Variants in MORC1 observed in about 807,000 individuals in gnomAD.
MORC1 encodes the protein MORC family CW-type zinc finger 1.
A neutral mutation model predicts 134.9 loss-of-function variants in MORC1; 59 were observed. The observed-to-expected ratio is 0.44, with a 90% confidence interval of 0.35 to 0.54. The LOEUF is 0.54. MORC1 is among the 20% of genes least tolerant of loss of function. The pLI is 0.00. For missense variants in MORC1, 947 were observed against 1,134.5 expected (o/e 0.83, Z 2.37); for synonymous variants, 395 against 391.7 (o/e 1.01, Z -0.10).
chr3:108,986,669 C>T lies in MORC1; in HGVS notation c.2257+211G>A, dbSNP rs150864546. Among the ~76,000 whole-genome samples, 454 of 152,154 alleles carry T rather than the reference C, an allele frequency of 3.0e-3. 1 individual carries two copies. The highest frequency in any genetic ancestry group is 4.5e-3 in the Non-Finnish European group (307 of 67,992). Reference sequence around the variant, plus strand: ...GCAGTGCTGGGGACACTGTCCTCAGCCAGAAAGTGTCTCTCTGCCCCGTCA... The same window carrying T: ...GCAGTGCTGGGGACACTGTCCTCAGTCAGAAAGTGTCTCTCTGCCCCGTCA... On this transcript the variant is annotated intron_variant, in intron 22 of 27. Transcript: ENST00000232603.
At chr3:109,003,808 C>G (rs1464981038) in intron 20 of MORC1, among the ~76,000 whole-genome samples, 1 of 152,100 alleles carries the variant, frequency 6.6e-6, no homozygotes, top group African/African-American at 2.4e-5. Context: ...ATTTCAAAAT[C>G]ATAGGAAAAT....
At chr3:109,007,753 A>G (rs1404762702) in intron 17 of MORC1, among the ~76,000 whole-genome samples, 1 of 152,076 alleles carries the variant, frequency 6.6e-6, no homozygotes, top group South Asian at 2.1e-4. Flanking sequence ...GTTTCTCTTC[A>G]CATGTTTATG....
chr3:109,032,423 T>C lies in MORC1; in HGVS notation c.1565+297A>G, dbSNP rs3804684. Among the ~76,000 whole-genome samples, 457 of 152,284 alleles carry C rather than the reference T, an allele frequency of 3.0e-3. 13 individuals carry two copies. The East Asian group carries it at 0.072, about 24-fold the overall frequency. ...CTGTACAATAAGGACATATGTTGTA[T>C]GAAAATGAACTGGAAGGAAGAACTC... On this transcript the variant is annotated intron_variant, in intron 16 of 27. Coordinates refer to ENST00000232603, the MANE Select transcript of MORC1 (RefSeq NM_014429.4).
chr3:109,064,711 T>A (rs551341980), intron 9 of MORC1, among the ~76,000 whole-genome samples: 8 of 152,334 alleles, frequency 5.3e-5, no homozygotes, highest in African/African-American at 1.7e-4. Context: ...TATAAGAGTT[T>A]ACCTGGTTTA....
chr3:109,111,572 T>G (rs1559959544), intron 2 of MORC1, among the ~76,000 whole-genome samples: 1 of 152,148 alleles, frequency 6.6e-6, no homozygotes, highest in Non-Finnish European at 1.5e-5. Context: ...AGTAAAATTT[T>G]TAATAGAAAA....
At position 109,099,486 on chromosome 3, in the gene MORC1, C is replaced by G; in HGVS notation, c.315-20G>C. The G allele has an allele frequency of 6.4e-7, 1 of 1,572,670 alleles. No homozygotes were observed. The highest frequency in any genetic ancestry group is 8.7e-7 in the Non-Finnish European group (1 of 1,153,744). ...GACCCACTATATTAAAAATGAAGAA[C>G]ATCATGTTTTACACCTCAAATACTA... On this transcript the variant is annotated intron_variant, in intron 5 of 27. Coordinates refer to ENST00000232603, the MANE Select transcript of MORC1 (RefSeq NM_014429.4).
chr3:109,026,001 G>A (rs990950241), intron 17 of MORC1, among the ~76,000 whole-genome samples: 1 of 152,132 alleles, frequency 6.6e-6, no homozygotes, highest in Admixed American at 6.5e-5. Flanking sequence ...CAGATACTCT[G>A]TATTTCCCAT....
At chr3:109,033,286 GAGGAAGGAAGGAAGGA>G (rs55742240) in intron 15 of MORC1, among the ~76,000 whole-genome samples, 18,322 of 136,900 alleles carry the variant, frequency 0.13, 1,432 homozygotes, top group Admixed American at 0.21. Flanking sequence ...AGCAAGAAAG[GAGGAAGGAAGGAAGGA>G]AGGAAGGAAG....
intron 4 of MORC1, among the ~76,000 whole-genome samples, chr3:109,102,303 T>C (rs1950943910): frequency 6.6e-6 from 1 of 152,002 alleles, no homozygotes; most frequent in Non-Finnish European, 1.5e-5. Flanking sequence ...CCAAATAATG[T>C]AAGGTCTTGG....
rs368580156 is a variant in MORC1 at position 109,035,341 on chromosome 3, A to G, written c.1458T>C (p.Cys486=). 3.2e-6 allele frequency: 5 copies of G among 1,586,220 alleles called. No homozygotes were observed. In the African/African-American group the frequency reaches 6.8e-5, roughly 22 times the overall value. The change falls in exon 15 of 28, where the codon TGT becomes TGC. Residue 486 remains cysteine, a splice_region_variant and synonymous_variant. Coordinates refer to ENST00000232603, the MANE Select transcript of MORC1 (RefSeq NM_014429.4). ...QAMGIPFIIQ[C]DLCLKWRVLP... ...ATTATAATGGACTTCAACACTCACC[A>G]CATTGTATGATGAATGGGATACCCA...
At chr3:109,029,656 GC>G (rs1334613062) in intron 16 of MORC1, among the ~76,000 whole-genome samples, 15 of 152,274 alleles carry the variant, frequency 9.9e-5, no homozygotes, top group African/African-American at 3.6e-4. Flanking sequence ...AAAATGTATA[GC>G]CTCCCTCTGT....
At chr3:109,116,642 T>G (rs1951280962) in intron 1 of MORC1, among the ~76,000 whole-genome samples, 1 of 152,036 alleles carries the variant, frequency 6.6e-6, no homozygotes, top group Admixed American at 6.6e-5. Context: ...TAGCCGGGCA[T>G]AGGGGTGCAT....
At chr3:109,099,590 G>A (rs951639833) in intron 5 of MORC1, 124 bp from the exon 6 acceptor site, 5 of 643,528 alleles carry the variant, frequency 7.8e-6, no homozygotes, top group South Asian at 3.3e-5. Flanking sequence ...CTGCTGACCC[G>A]TCATCAAGAG....
At chr3:109,013,499 G>C (rs922774444) in intron 17 of MORC1, among the ~76,000 whole-genome samples, 2 of 152,148 alleles carry the variant, frequency 1.3e-5, no homozygotes, top group African/African-American at 4.8e-5. Context: ...ATCAAAGTTG[G>C]TCCAGTAGGG....
At chr3:109,046,208 A>G (rs1949691520) in intron 14 of MORC1, among the ~76,000 whole-genome samples, 1 of 152,180 alleles carries the variant, frequency 6.6e-6, no homozygotes, top group Admixed American at 6.5e-5. Context: ...TCCCTAGGGC[A>G]TTTTGGCTCC....
chr3:109,081,811 T>C (rs1319488013), intron 8 of MORC1, among the ~76,000 whole-genome samples: 2 of 152,144 alleles, frequency 1.3e-5, no homozygotes, highest in African/African-American at 4.8e-5. Context: ...TCTTCTAATA[T>C]GCAGAAAATT....
chr3:109,108,827 G>A (rs1951095227), intron 3 of MORC1, among the ~76,000 whole-genome samples: 1 of 151,830 alleles, frequency 6.6e-6, no homozygotes, highest in Non-Finnish European at 1.5e-5. Context: ...GTGAACCTGG[G>A]AGGCAGAGCT....
chr3:108,964,826 C>G (rs1258714220), intron 26 of MORC1, among the ~76,000 whole-genome samples: 2 of 152,164 alleles, frequency 1.3e-5, no homozygotes, highest in Admixed American at 6.5e-5. Context: ...GGATTCAGGA[C>G]AGCAGATAAT....
rs200597998 is a variant in MORC1 at position 109,040,307 on chromosome 3, CCAGA to C, written c.1331-4843_1331-4840del. Among the ~76,000 whole-genome samples, 644 of 141,810 alleles carry C rather than the reference CCAGA, an allele frequency of 4.5e-3. 18 individuals are homozygous for C. Among genetic ancestry groups the C allele is most frequent in the Admixed American group, 0.045 (604 of 13,460 alleles). The allele number at this position is 141,810 out of a possible 152,430, so 93.0% of individuals were successfully genotyped here. A position where few individuals can be genotyped will look rare whatever the true frequency, so the allele number is the denominator to read the frequency against. On this transcript the variant is annotated intron_variant, in intron 14 of 27. Transcript: ENST00000232603. ...TGAAAAACACCTGATGGCAGATCTA[CCAGA>C]CAAAGACCTTAAAATGACTGTCTCA...
Sources: gnomAD v4.1 joint callset for allele counts (sites outside exome capture counted in the v4.1 genomes callset) on GRCh38, gnomAD v4.1.1 for gene constraint, MANE v1.5 for transcripts, NCBI Gene and HGNC (gene_info 2026-07-23, HGNC 2026-07-21) for gene names.